NGFR: variants seen among roughly 807,000 people sequenced by gnomAD.
The protein encoded by NGFR is nerve growth factor receptor, also known as tumor necrosis factor receptor superfamily member 16.
In NGFR, 30 loss-of-function variants were observed where a neutral mutation model predicts 43.2. The ratio of observed to expected loss-of-function variants is 0.69; its 90% CI spans 0.52 to 0.94. NGFR has a LOEUF of 0.94. NGFR is among the 40% of genes least tolerant of loss of function. The probability of loss-of-function intolerance (pLI) is 0.00; values close to 1 mark genes in which losing one functional copy is unlikely to be tolerated. For synonymous variants in NGFR, 246 were observed against 259.6 expected (o/e 0.95, Z 0.50); for missense variants, 529 against 602.5 (o/e 0.88, Z 1.28).
In NGFR at chr17:49,506,098, C is replaced by G. The variant is rs1235666648; in HGVS notation, c.209-201C>G. On this transcript the variant is annotated intron_variant, in intron 2 of 5. Coordinates refer to ENST00000172229, the MANE Select transcript of NGFR (RefSeq NM_002507.4). ...GAGCCTGGAGGATGCGGCTCCGGGC[C>G]TCCTCCCCCTTTCCCAGTTGGCTGC... is the stretch of plus-strand genomic sequence containing the variant. The G allele has an allele frequency of 4.7e-6, 5 of 1,067,718 alleles. No homozygotes were observed. The East Asian group carries it at 1.4e-4, about 30-fold the overall frequency. The allele number at this position is 1,067,718 out of a possible 1,614,324, so 66.1% of individuals were successfully genotyped here.
Position 49,512,152 on chromosome 17 carries a change from G to A in NGFR, c.982+100G>A. 2 of 1,429,582 alleles carry A rather than the reference G, an allele frequency of 1.4e-6. No individual in the cohort carries two copies. The highest frequency in any genetic ancestry group is 1.9e-6 in the Non-Finnish European group (2 of 1,067,668). 88.6% of individuals were successfully genotyped at this position (1,429,582 alleles called of 1,614,324 possible). On this transcript the variant is annotated intron_variant, in intron 5 of 5. Transcript: ENST00000172229. The surrounding 1 kb of genome is among the most constrained non-coding windows in gnomAD (Gnocchi z 5.2). ...GGAAGGACTGTCGGGGGGGCGGCAG[G>A]GCTGGCTCAGCGGTGCCCCTGTAGA...
Position 49,506,474 on chromosome 17 carries a change from C to A in NGFR, c.384C>A (p.Cys128Ter). The A allele has an allele frequency of 6.2e-7, 1 of 1,609,942 alleles. No individual in the cohort carries two copies. Among genetic ancestry groups the A allele is most frequent in the Non-Finnish European group, 8.5e-7 (1 of 1,179,178 alleles). Residue 128 changes from cysteine to a stop codon, truncating the protein, a stop_gained, in exon 3 of 6, where the codon TGC becomes TGA. Transcript: ENST00000172229. LOFTEE classifies it high-confidence loss of function. ...GGCGCTGCGAGGCGTGCCGCGTGTGCGAGGCGGGCTCGGGCCTCGTGTTCT... is the reference window on the plus strand; with the variant it reads ...GGCGCTGCGAGGCGTGCCGCGTGTGAGAGGCGGGCTCGGGCCTCGTGTTCT... ...TTGRCEACRV[C>*]EAGSGLVFSC... is the part of the protein sequence containing the mutation.
chr17:49,508,435 T>G (rs936080632), intron 3 of NGFR, among the ~76,000 whole-genome samples: 3 of 152,158 alleles, frequency 2.0e-5, no homozygotes, highest in African/African-American at 7.2e-5. Flanking sequence ...CTGTTCCCCT[T>G]TCAGCTTCAG....
chr17:49,504,753 T>TTTTCTTTTCTTTTTC lies in NGFR; in HGVS notation c.209-1539_209-1538insTCTTTTTCTTTCTTT, dbSNP rs1294547235. 1.2e-4 allele frequency among the ~76,000 whole-genome samples: 14 copies of TTTTCTTTTCTTTTTC among 117,656 alleles called. No homozygotes were observed. In the East Asian group the frequency reaches 1.2e-3, roughly 10 times the overall value. 77.2% of individuals were successfully genotyped at this position (117,656 alleles called of 152,430 possible). On this transcript the variant is annotated intron_variant, in intron 2 of 5. Transcript: ENST00000172229. ...GGTCTTTTCTTCTCTCCTCTACCCT[T>TTTTCTTTTCTTTTTC]TTTCTTTCTTTCTTTCTTTTTTTTT...
Position 49,512,973 on chromosome 17 carries a change from T to C in NGFR, c.1248T>C (p.Ser416=). 1 of 1,601,266 alleles carries C rather than the reference T, an allele frequency of 6.2e-7. No individual in the cohort carries two copies. Among genetic ancestry groups the C allele is most frequent in the South Asian group, 1.1e-5 (1 of 89,928 alleles). Residue 416 remains serine, a synonymous_variant, in exon 6 of 6, where the codon AGT becomes AGC. Coordinates refer to ENST00000172229, the MANE Select transcript of NGFR (RefSeq NM_002507.4). This position sits in a 1 kb window ranked among gnomAD's most constrained non-coding sequence, Gnocchi z 5.2. ...RRIQRADLVE[S]LCSESTATSP... ...TCCAGCGAGCCGACCTCGTGGAGAGTCTGTGCAGTGAGTCCACTGCCACAT... is the reference window on the plus strand; with the variant it reads ...TCCAGCGAGCCGACCTCGTGGAGAGCCTGTGCAGTGAGTCCACTGCCACAT...
rs1316437486 is a variant in NGFR, at chr17:49,512,113, A to C, written c.982+61A>C. 6.4e-7 allele frequency: 1 copy of C among 1,569,462 alleles called. No homozygotes were observed. The highest frequency in any genetic ancestry group is 8.7e-7 in the Non-Finnish European group (1 of 1,155,892). On this transcript the variant is annotated intron_variant, in intron 5 of 5. Transcript: ENST00000172229. This position sits in a 1 kb window ranked among gnomAD's most constrained non-coding sequence, Gnocchi z 5.2. ...TGAGGCTGAGGAAACAGAAGCAATT[A>C]AGATTAGACTCCAGGAAGGACTGTC...
intron 1 of NGFR, chr17:49,496,556 C>G (rs2071139205): frequency 6.6e-6 from 1 of 152,292 alleles, no homozygotes; most frequent in African/African-American, 2.4e-5. Flanking sequence ...TCTGGCTACG[C>G]AGGCGGGAGG....
rs1343089412 is a variant in NGFR at position 49,512,967 on chromosome 17, GGA to G, written c.1246_1247del (p.Leu417ValfsTer3). On this transcript the variant is annotated frameshift_variant, in exon 6 of 6. Coordinates refer to ENST00000172229, the MANE Select transcript of NGFR (RefSeq NM_002507.4). LOFTEE classifies it high-confidence loss of function. The surrounding 1 kb of genome is among the most constrained non-coding windows in gnomAD (Gnocchi z 5.2). The part of the protein sequence containing the change: ...LRRIQRADLV[E>X]SLCSESTATS... ...GCCGCATCCAGCGAGCCGACCTCGT[GGA>G]GAGTCTGTGCAGTGAGTCCACTGCC... 7 of 1,605,788 alleles carry G rather than the reference GGA, an allele frequency of 4.4e-6. No individual in the cohort carries two copies. In the African/African-American group the frequency reaches 6.7e-5, roughly 15 times the overall value.
intron 2 of NGFR, 55 bp from the exon 3 acceptor site, chr17:49,506,244 G>A: frequency 6.6e-7 from 1 of 1,507,304 alleles, no homozygotes; most frequent in Non-Finnish European, 8.8e-7. Context: ...TCCAGCTCCT[G>A]CGTCCCGGGT....
At chr17:49,499,729 A>G (rs558481) in intron 1 of NGFR, among the ~76,000 whole-genome samples, 80,817 of 151,854 alleles carry the variant, frequency 0.53, 22,573 homozygotes, top group African/African-American at 0.65. Context: ...CTGAGACTAC[A>G]GGCGCCCGCC....
intron 2 of NGFR, among the ~76,000 whole-genome samples, chr17:49,504,973 T>C (rs953593867): frequency 2.0e-5 from 3 of 152,034 alleles, no homozygotes; most frequent in African/African-American, 4.8e-5. Context: ...GGTTTTGCCA[T>C]GTTGGCCAGG....
At chr17:49,503,779 G>A (rs1241189850) in intron 2 of NGFR, among the ~76,000 whole-genome samples, 1 of 152,180 alleles carries the variant, frequency 6.6e-6, no homozygotes, top group Non-Finnish European at 1.5e-5. Context: ...CAGGGCGGGG[G>A]TGGCCAACCA....
Position 49,512,619 on chromosome 17 carries a change from C to T in NGFR, c.983-89C>T. 2.0e-6 allele frequency: 3 copies of T among 1,465,586 alleles called. No homozygotes were observed. The highest frequency in any genetic ancestry group is 2.8e-6 in the Non-Finnish European group (3 of 1,089,708). The allele number at this position is 1,465,586 out of a possible 1,614,324, so 90.8% of individuals were successfully genotyped here. A position where few individuals can be genotyped will look rare whatever the true frequency, so the allele number is the denominator to read the frequency against. ...GCCTCCAGATGGGGAGGAGCACTGC[C>T]TCGGCCCTTCTTGGGTCTCACCCCA... On this transcript the variant is annotated intron_variant, in intron 5 of 5. Transcript: ENST00000172229. This position sits in a 1 kb window ranked among gnomAD's most constrained non-coding sequence, Gnocchi z 5.2.
chr17:49,506,352 G>T lies in NGFR; in HGVS notation c.262G>T (p.Glu88Ter). 6.3e-7 allele frequency: 1 copy of T among 1,593,038 alleles called. No homozygotes were observed. Residue 88 changes from glutamate (E) to a stop codon, truncating the protein, a stop_gained, in exon 3 of 6, where the codon GAG (glutamate) becomes TAG (stop). Coordinates refer to ENST00000172229, the MANE Select transcript of NGFR (RefSeq NM_002507.4). LOFTEE classifies it high-confidence loss of function. ...GACCGAGCCGTGCAAGCCGTGCACC[G>T]AGTGCGTGGGGCTCCAGAGCATGTC... The part of the protein sequence containing the change: ...SATEPCKPCT[E>*]CVGLQSMSAP...
Position 49,514,718 on chromosome 17 carries a change from G to A in NGFR, c.*1709G>A, listed in dbSNP as rs1177297933. ...GCTGGCCCCTCACCTGGGCACCTGG[G>A]GAGTGGGACAGAGTCTGGGTGTATT... On this transcript the variant is annotated 3_prime_UTR_variant, in exon 6 of 6. Coordinates refer to ENST00000172229, the MANE Select transcript of NGFR (RefSeq NM_002507.4). 2.6e-5 allele frequency: 4 copies of A among 152,216 alleles called. No homozygotes were observed. The highest frequency in any genetic ancestry group is 4.4e-5 in the Non-Finnish European group (3 of 68,058). 9.4% of individuals were successfully genotyped at this position (152,216 alleles called of 1,614,324 possible). A position where few individuals can be genotyped will look rare whatever the true frequency, so the allele number is the denominator to read the frequency against.
chr17:49,500,737 C>T (rs928837045), intron 1 of NGFR, among the ~76,000 whole-genome samples: 1 of 152,130 alleles, frequency 6.6e-6, no homozygotes, highest in African/African-American at 2.4e-5. Context: ...GCGGCAACAC[C>T]AAGGTTCCAC....
rs759443635 is a variant in NGFR, at chr17:49,506,358, G to A, written c.268G>A (p.Val90Met). ...GCCGTGCAAGCCGTGCACCGAGTGC[G>A]TGGGGCTCCAGAGCATGTCGGCGCC... ...TEPCKPCTEC[V>M]GLQSMSAPCV... The change falls in exon 3 of 6, where the codon GTG becomes ATG. Residue 90 changes from valine (V) to methionine (M), a missense_variant. Val to Met is a conservative substitution (Grantham distance 21, BLOSUM62 1). Coordinates refer to ENST00000172229, the MANE Select transcript of NGFR (RefSeq NM_002507.4). The A allele has an allele frequency of 9.4e-6, 15 of 1,595,706 alleles. No individual in the cohort carries two copies. The highest frequency in any genetic ancestry group is 1.7e-4 in the Middle Eastern group (1 of 6,046).
At chr17:49,498,167 GTTCTC>G (rs1351189926) in intron 1 of NGFR, among the ~76,000 whole-genome samples, 3 of 152,050 alleles carry the variant, frequency 2.0e-5, no homozygotes, top group Non-Finnish European at 4.4e-5. Flanking sequence ...GGCCTGGGAT[GTTCTC>G]TTTCCTACAT....
intron 1 of NGFR, among the ~76,000 whole-genome samples, chr17:49,500,673 CT>C (rs1169995001): frequency 5.3e-5 from 8 of 152,172 alleles, no homozygotes; most frequent in Non-Finnish European, 8.8e-5. Flanking sequence ...GACCCTGAGG[CT>C]CCTGGTCTGC....
Sources: gnomAD v4.1 joint callset for allele counts (sites outside exome capture counted in the v4.1 genomes callset) on GRCh38, gnomAD v4.1.1 for gene constraint, Gnocchi (gnomAD v3.1) non-coding constraint, MANE v1.5 for transcripts, NCBI Gene and HGNC (gene_info 2026-07-23, HGNC 2026-07-21) for gene names.